Variants in STUM observed in about 807,000 individuals in gnomAD.
STUM encodes the protein stum, mechanosensory transduction mediator homolog.
Under a neutral mutation model 15.3 loss-of-function variants are expected in STUM, and 8 were observed. The observed-to-expected ratio is 0.52, with a 90% CI of 0.31 to 0.94. STUM has a LOEUF of 0.94. Among genes scored for constraint, STUM ranks in the 40% least tolerant of loss-of-function variants. The pLI, the probability that STUM is intolerant of heterozygous loss-of-function variation, is 0.05. For synonymous variants in STUM, 78 were observed against 88.7 expected, an observed-to-expected ratio of 0.88 and a Z score of 0.68; for missense variants, 142 against 204.9, an observed-to-expected ratio of 0.69 and a Z score of 1.87.
intron 1 of STUM, among the ~76,000 whole-genome samples, chr1:226,553,295 T>C (rs1667398053): frequency 6.6e-6 from 1 of 152,084 alleles, no homozygotes. Context: ...AGAGTATTAT[T>C]AGGACACTGC....
intron 2 of STUM, among the ~76,000 whole-genome samples, chr1:226,599,847 GTC>G (rs1229622067): frequency 6.6e-6 from 1 of 152,226 alleles, no homozygotes; most frequent in African/African-American, 2.4e-5. Context: ...CTGGTGACCA[GTC>G]TCACATGTTC....
At chr1:226,601,485 A>C (rs984842922) in intron 3 of STUM, among the ~76,000 whole-genome samples, 1 of 152,098 alleles carries the variant, frequency 6.6e-6, no homozygotes, top group Non-Finnish European at 1.5e-5. Context: ...TTCCCAAAGG[A>C]CTCATGATCA....
At chr1:226,564,814 C>G (rs1299111237) in intron 1 of STUM, among the ~76,000 whole-genome samples, 1 of 152,216 alleles carries the variant, frequency 6.6e-6, no homozygotes, top group Non-Finnish European at 1.5e-5. Flanking sequence ...CTCATTCCAG[C>G]TCATCCTGTT....
rs539300649 is a variant in STUM at position 226,575,868 on chromosome 1, A to G, written c.203-20934A>G. Among the ~76,000 whole-genome samples the G allele has an allele frequency of 7.2e-5, 11 of 152,302 alleles. 1 individual carries two copies. Among genetic ancestry groups the G allele is most frequent in the African/African-American group, 2.4e-4 (10 of 41,582 alleles). On this transcript the variant is annotated intron_variant, in intron 1 of 3. Transcript: ENST00000366788. ...CCCTAATAGGAAATGTCTGCTGGTG[A>G]CTTTCTCCCCAGAGCCTGCGTTGGC...
At chr1:226,560,567 A>C (rs1334547148) in intron 1 of STUM, among the ~76,000 whole-genome samples, 1 of 152,220 alleles carries the variant, frequency 6.6e-6, no homozygotes, top group Non-Finnish European at 1.5e-5. Context: ...ACAGTGGCAC[A>C]GGTTGAAATG....
chr1:226,599,051 A>G (rs1282446046), intron 2 of STUM, among the ~76,000 whole-genome samples: 1 of 152,096 alleles, frequency 6.6e-6, no homozygotes, highest in Non-Finnish European at 1.5e-5. Flanking sequence ...CATTTTTAAA[A>G]CCATCAGATC....
At chr1:226,570,818 A>G (rs1172178081) in intron 1 of STUM, among the ~76,000 whole-genome samples, 1 of 152,250 alleles carries the variant, frequency 6.6e-6, no homozygotes, top group Non-Finnish European at 1.5e-5. Flanking sequence ...CGTTCTGATG[A>G]AGCCTTGGAC....
rs914822475 is a variant in STUM at position 226,552,383 on chromosome 1, C to T, written c.202+3277C>T. ...GTGAAACTCTACTAATAAAGACCACCGTTGGTACCTTCATGTTCCAACAAT... is the reference window on the plus strand; with the variant it reads ...GTGAAACTCTACTAATAAAGACCACTGTTGGTACCTTCATGTTCCAACAAT... On this transcript the variant is annotated intron_variant, in intron 1 of 3. Transcript: ENST00000366788. The surrounding 1 kb of genome is among the most constrained non-coding windows in gnomAD (Gnocchi z 4.7). 1.3e-5 allele frequency among the ~76,000 whole-genome samples: 2 copies of T among 152,140 alleles called. No individual in the cohort carries two copies. The highest frequency in any genetic ancestry group is 2.9e-5 in the Non-Finnish European group (2 of 68,036).
rs1571802740 is a variant in STUM at position 226,575,427 on chromosome 1, C to T, written c.203-21375C>T. On this transcript the variant is annotated intron_variant, in intron 1 of 3. Transcript: ENST00000366788. The stretch of plus-strand genomic sequence containing the variant: ...TGGTCTGACGCTCCAGCAGGCTGCC[C>T]TCCAATCCCTGCCGGCAGGCACCCA... Among the ~76,000 whole-genome samples the T allele has an allele frequency of 2.0e-5, 3 of 152,390 alleles. No individual in the cohort carries two copies. In the South Asian group the frequency reaches 6.2e-4, roughly 32 times the overall value.
At chr1:226,573,336 G>A (rs1359945309) in intron 1 of STUM, among the ~76,000 whole-genome samples, 1 of 152,220 alleles carries the variant, frequency 6.6e-6, no homozygotes, top group Non-Finnish European at 1.5e-5. Flanking sequence ...ACAGATGGTG[G>A]CGGGTTAGTC....
In STUM at chr1:226,549,837, C is replaced by G. The variant is rs1055630920; in HGVS notation, c.202+731C>G. On this transcript the variant is annotated intron_variant, in intron 1 of 3. Coordinates refer to ENST00000366788, the MANE Select transcript of STUM (RefSeq NM_001003665.4). The surrounding 1 kb of genome is among the most constrained non-coding windows in gnomAD (Gnocchi z 6.8). ...CGCCGATGTAATTCTGTGCAGGACT[C>G]CGGCAGCCGGCAGGGGTTCTGGTGG... is the stretch of plus-strand genomic sequence containing the variant. Among the ~76,000 whole-genome samples the G allele has an allele frequency of 6.6e-6, 1 of 152,250 alleles. No individual in the cohort carries two copies. The highest frequency in any genetic ancestry group is 1.5e-5 in the Non-Finnish European group (1 of 68,040).
chr1:226,601,904 TA>T, intron 3 of STUM, 101 bp from the exon 4 acceptor site: 1 of 947,090 alleles, frequency 1.1e-6, no homozygotes, highest in Non-Finnish European at 1.7e-6. Flanking sequence ...CACCTTAGTA[TA>T]AACAATGCCT....
rs1453365597 is a variant in STUM at position 226,600,328 on chromosome 1, G to C, written c.383-338G>C. Among the ~76,000 whole-genome samples the C allele has an allele frequency of 4.6e-5, 7 of 152,204 alleles. No homozygotes were observed. The highest frequency in any genetic ancestry group is 1.7e-4 in the African/African-American group (7 of 41,450). ...AAGACAAGAATAAAGAATGAAGGCA[G>C]CAGTGTGGGCATGGCCAGGATATGG... On this transcript the variant is annotated intron_variant, in intron 2 of 3. Coordinates refer to ENST00000366788, the MANE Select transcript of STUM (RefSeq NM_001003665.4). The surrounding 1 kb of genome is among the most constrained non-coding windows in gnomAD (Gnocchi z 5.2).
At chr1:226,595,241 C>A (rs923983950) in intron 1 of STUM, among the ~76,000 whole-genome samples, 3 of 152,158 alleles carry the variant, frequency 2.0e-5, no homozygotes. Context: ...AGCGTCTCAC[C>A]CTGGAAGGAG....
At chr1:226,587,559 C>T (rs1172317114) in intron 1 of STUM, among the ~76,000 whole-genome samples, 1 of 152,128 alleles carries the variant, frequency 6.6e-6, no homozygotes, top group Non-Finnish European at 1.5e-5. Flanking sequence ...CCTCACAATC[C>T]CAACGCATTT....
rs939949771 is a variant in STUM at position 226,549,675 on chromosome 1, A to G, written c.202+569A>G. On this transcript the variant is annotated intron_variant, in intron 1 of 3. Transcript: ENST00000366788. The surrounding 1 kb of genome is among the most constrained non-coding windows in gnomAD (Gnocchi z 6.8). ...AGCCAGAGTCTCCTCCGCCTCATTC[A>G]GGGGTACCTGCACTTCCGCCAGCAC... Among the ~76,000 whole-genome samples the G allele has an allele frequency of 3.3e-5, 5 of 152,188 alleles. No individual in the cohort carries two copies. Among genetic ancestry groups the G allele is most frequent in the African/African-American group, 1.2e-4 (5 of 41,462 alleles).
intron 1 of STUM, among the ~76,000 whole-genome samples, chr1:226,574,667 A>G (rs2889481): frequency 0.1 from 15,977 of 152,282 alleles, 1,158 homozygotes; most frequent in South Asian, 0.23. Flanking sequence ...CACTGTTTCC[A>G]GAAGAGGAAC....
intron 1 of STUM, among the ~76,000 whole-genome samples, chr1:226,566,169 T>A (rs1667622529): frequency 1.3e-5 from 2 of 152,182 alleles, no homozygotes; most frequent in East Asian, 3.9e-4. Context: ...CCTCCACTGT[T>A]TGAAATGTCA....
chr1:226,587,035 CT>C (rs1464220441), intron 1 of STUM, among the ~76,000 whole-genome samples: 11 of 152,150 alleles, frequency 7.2e-5, no homozygotes, highest in Non-Finnish European at 1.3e-4. Context: ...TAAATTTCTG[CT>C]CCAGCTTAAC....
Sources: allele counts gnomAD v4.1 joint callset (sites outside exome capture counted in the v4.1 genomes callset), GRCh38; gene constraint gnomAD v4.1.1; non-coding constraint Gnocchi (gnomAD v3.1); transcripts MANE v1.5; gene names NCBI Gene and HGNC (gene_info 2026-07-23, HGNC 2026-07-21).